FNDC3B: variants seen among roughly 807,000 people sequenced by gnomAD.
FNDC3B encodes fibronectin type III domain containing 3B.
Under a neutral mutation model 151.5 loss-of-function variants are expected in FNDC3B, and 12 were observed. The ratio of observed to expected loss-of-function variants is 0.08; its 90% confidence interval spans 0.05 to 0.13. The LOEUF is 0.13. Among genes scored for constraint, FNDC3B ranks in the 10% least tolerant of loss-of-function variants. The pLI, the probability that FNDC3B is intolerant of heterozygous loss-of-function variation, is 1.00. For missense variants in FNDC3B, 1,214 were observed against 1,505.3 expected (o/e 0.81, Z 3.20); for synonymous variants, 528 against 549.0 (o/e 0.96, Z 0.54).
chr3:172,127,127 T>G, intron 2 of FNDC3B: 1 of 454,950 alleles, frequency 2.2e-6, no homozygotes, highest in Non-Finnish European at 4.4e-6. Context: ...AAATTTTTCT[T>G]GAGACTGTAA....
At chr3:172,372,786 T>C (rs73880154) in intron 23 of FNDC3B, among the ~76,000 whole-genome samples, 227 of 152,258 alleles carry the variant, frequency 1.5e-3, no homozygotes, top group African/African-American at 5.2e-3. Flanking sequence ...TTTGGGGCCA[T>C]TGGATAATGC....
At chr3:172,203,653 G>A (rs923853169) in intron 3 of FNDC3B, among the ~76,000 whole-genome samples, 5 of 152,080 alleles carry the variant, frequency 3.3e-5, no homozygotes, top group Admixed American at 6.5e-5. Context: ...CTTCCAGATC[G>A]CAGTGGTAAC....
chr3:172,174,254 T>C (rs984851461), intron 3 of FNDC3B, among the ~76,000 whole-genome samples: 1 of 152,222 alleles, frequency 6.6e-6, no homozygotes, highest in Non-Finnish European at 1.5e-5. Context: ...GTCTAAATGA[T>C]TAAGTTTCCA....
At chr3:172,099,906 CAA>C (rs1418178597) in intron 1 of FNDC3B, among the ~76,000 whole-genome samples, 2 of 152,154 alleles carry the variant, frequency 1.3e-5, no homozygotes, top group African/African-American at 4.8e-5. Context: ...CAACAACTCT[CAA>C]AGTGTCGTCT....
chr3:172,120,468 T>C (rs1333984580), intron 2 of FNDC3B, among the ~76,000 whole-genome samples: 1 of 152,176 alleles, frequency 6.6e-6, no homozygotes, highest in African/African-American at 2.4e-5. Context: ...TAACATTCAG[T>C]AAATCTTTTT....
At chr3:172,251,040 A>C (rs1026545505) in intron 5 of FNDC3B, among the ~76,000 whole-genome samples, 1 of 151,646 alleles carries the variant, frequency 6.6e-6, no homozygotes. Flanking sequence ...CTAGTTTCGA[A>C]CTCCCAAGCT....
At chr3:172,085,761 C>G (rs1291310039) in intron 1 of FNDC3B, among the ~76,000 whole-genome samples, 1 of 152,136 alleles carries the variant, frequency 6.6e-6, no homozygotes, top group Non-Finnish European at 1.5e-5. Context: ...AAGGAATTAA[C>G]CTCAGTGCTT....
chr3:172,124,715 A>G (rs1203021820), intron 2 of FNDC3B, among the ~76,000 whole-genome samples: 1 of 152,244 alleles, frequency 6.6e-6, no homozygotes, highest in Non-Finnish European at 1.5e-5. Context: ...TCCAATCTCA[A>G]CTTTTACTTG....
intron 3 of FNDC3B, among the ~76,000 whole-genome samples, chr3:172,169,389 G>T (rs1379838328): frequency 6.6e-6 from 1 of 152,252 alleles, no homozygotes; most frequent in Non-Finnish European, 1.5e-5. Context: ...GGTAGTGGAG[G>T]CATCGGACAG....
intron 1 of FNDC3B, among the ~76,000 whole-genome samples, chr3:172,095,384 A>G (rs556876465): frequency 1.9e-4 from 29 of 152,340 alleles, no homozygotes; most frequent in Admixed American, 1.8e-3. Context: ...GGAGATTCAC[A>G]GTCCCCACCA....
intron 13 of FNDC3B, among the ~76,000 whole-genome samples, chr3:172,332,506 G>A (rs1227437579): frequency 6.6e-6 from 1 of 152,192 alleles, no homozygotes; most frequent in Non-Finnish European, 1.5e-5. Flanking sequence ...TTCTTGGGCA[G>A]TGCTGAATCC....
At chr3:172,056,133 A>G (rs1433240795) in intron 1 of FNDC3B, among the ~76,000 whole-genome samples, 1 of 151,798 alleles carries the variant, frequency 6.6e-6, no homozygotes, top group Non-Finnish European at 1.5e-5. Flanking sequence ...CCTAGTTTCC[A>G]CTGAGTCATC....
chr3:172,041,441 CCTTCCTTCCT>C, intron 1 of FNDC3B, among the ~76,000 whole-genome samples: 1 of 135,868 alleles, frequency 7.4e-6, no homozygotes, highest in Admixed American at 7.5e-5. Context: ...TTCCTTCCTT[CCTTCCTTCCT>C]TCTCTTCTCC....
At chr3:172,115,218 G>A (rs1720185198) in intron 2 of FNDC3B, among the ~76,000 whole-genome samples, 1 of 152,162 alleles carries the variant, frequency 6.6e-6, no homozygotes, top group African/African-American at 2.4e-5. Context: ...CTAACATTTA[G>A]CATTGGCCTA....
intron 3 of FNDC3B, among the ~76,000 whole-genome samples, chr3:172,214,305 T>C (rs1725872567): frequency 6.6e-6 from 1 of 152,212 alleles, no homozygotes; most frequent in Non-Finnish European, 1.5e-5. Context: ...CTGTGTGGTT[T>C]AGGTAAGGCA....
At chr3:172,124,856 G>T (rs1353622483) in intron 2 of FNDC3B, among the ~76,000 whole-genome samples, 1 of 152,202 alleles carries the variant, frequency 6.6e-6, no homozygotes, top group Non-Finnish European at 1.5e-5. Context: ...CGAGGTGCTG[G>T]GGCTGGTGCT....
intron 6 of FNDC3B, among the ~76,000 whole-genome samples, chr3:172,256,895 G>C (rs1334710858): frequency 6.6e-6 from 1 of 152,100 alleles, no homozygotes; most frequent in Non-Finnish European, 1.5e-5. Context: ...AGATGGTGAA[G>C]GGAGAGGAAA....
At chr3:172,111,871 G>A (rs1445581449) in intron 1 of FNDC3B, among the ~76,000 whole-genome samples, 1 of 152,124 alleles carries the variant, frequency 6.6e-6, no homozygotes, top group African/African-American at 2.4e-5. Context: ...ATGGCAATTT[G>A]TTCCTGAGAT....
intron 1 of FNDC3B, among the ~76,000 whole-genome samples, chr3:172,055,991 C>T (rs1457392459): frequency 6.6e-6 from 1 of 152,074 alleles, no homozygotes; most frequent in African/African-American, 2.4e-5. Context: ...CCATGTTAGC[C>T]AGGATGGTCT....
Sources: gnomAD v4.1 joint callset for allele counts (sites outside exome capture counted in the v4.1 genomes callset) on GRCh38, gnomAD v4.1.1 for gene constraint, MANE v1.5 for transcripts, NCBI Gene and HGNC (gene_info 2026-07-23, HGNC 2026-07-21) for gene names.